The following LDLRAD3 variants were observed in gnomAD, a reference collection of about 807,000 sequenced individuals.
LDLRAD3 encodes the protein low density lipoprotein receptor class A domain containing 3, also known as low-density lipoprotein receptor class A domain-containing protein 3.
Under a neutral mutation model 29.4 loss-of-function variants are expected in LDLRAD3, and 20 were observed. That is an observed-to-expected ratio of 0.68 (90% CI 0.48 to 0.99). LDLRAD3 has a LOEUF of 0.99. LDLRAD3 is among the 50% of genes least tolerant of loss of function. LDLRAD3 has a pLI of 0.00. For synonymous variants in LDLRAD3, 157 were observed against 192.7 expected, an observed-to-expected ratio of 0.81 and a Z score of 1.53; for missense variants, 420 against 454.3, an observed-to-expected ratio of 0.92 and a Z score of 0.69.
At chr11:36,105,360 C>T (rs1437912358) in intron 4 of LDLRAD3, among the ~76,000 whole-genome samples, 1 of 151,902 alleles carries the variant, frequency 6.6e-6, no homozygotes, top group Admixed American at 6.6e-5. Context: ...TGTTACCTCC[C>T]CTGTGCCAGG....
At chr11:35,949,512 C>T (rs540219458) in intron 1 of LDLRAD3, among the ~76,000 whole-genome samples, 46 of 152,314 alleles carry the variant, frequency 3.0e-4, no homozygotes, top group Middle Eastern at 3.4e-3. Flanking sequence ...TTCTCCCTTG[C>T]CATCAAAAGG....
chr11:36,046,068 G>A (rs1252062574), intron 2 of LDLRAD3, among the ~76,000 whole-genome samples: 1 of 152,064 alleles, frequency 6.6e-6, no homozygotes, highest in African/African-American at 2.4e-5. Flanking sequence ...GTGGTGTTTG[G>A]TTTTCTGTTC....
intron 4 of LDLRAD3, among the ~76,000 whole-genome samples, chr11:36,100,447 G>A (rs1470839046): frequency 6.6e-6 from 1 of 152,074 alleles, no homozygotes; most frequent in African/African-American, 2.4e-5. Flanking sequence ...TCTTTTTTTG[G>A]GGGGATGGCA....
At chr11:36,201,821 AG>A (rs1250642416) in intron 4 of LDLRAD3, among the ~76,000 whole-genome samples, 2 of 152,252 alleles carry the variant, frequency 1.3e-5, no homozygotes, top group Non-Finnish European at 2.9e-5. Context: ...GAAAGGAGGC[AG>A]TCGCGGATGT....
chr11:36,179,645 A>T (rs1230804430), intron 4 of LDLRAD3, among the ~76,000 whole-genome samples: 2 of 152,124 alleles, frequency 1.3e-5, no homozygotes, highest in Non-Finnish European at 2.9e-5. Flanking sequence ...CAGCCTCCTC[A>T]TCTGTAAAAT....
intron 2 of LDLRAD3, among the ~76,000 whole-genome samples, chr11:36,050,194 A>G (rs973068608): frequency 6.6e-6 from 1 of 152,198 alleles, no homozygotes; most frequent in African/African-American, 2.4e-5. Context: ...TCCATGATCT[A>G]TGTTTTCCCT....
chr11:36,044,705 G>A (rs1050417460), intron 2 of LDLRAD3, among the ~76,000 whole-genome samples: 1 of 152,198 alleles, frequency 6.6e-6, no homozygotes, highest in Admixed American at 6.5e-5. Context: ...TGCCCAAACT[G>A]GTGCAAAAGG....
chr11:36,204,535 A>T (rs183584516), intron 4 of LDLRAD3, among the ~76,000 whole-genome samples: 104 of 146,694 alleles, frequency 7.1e-4, no homozygotes, highest in Admixed American at 1.5e-3. Flanking sequence ...TGCTCTTGTC[A>T]TCCAGGTTGG....
intron 4 of LDLRAD3, among the ~76,000 whole-genome samples, chr11:36,115,649 C>T (rs961073028): frequency 2.6e-5 from 4 of 152,162 alleles, no homozygotes; most frequent in Non-Finnish European, 5.9e-5. Context: ...CGGTCACATC[C>T]GCAAAAGGAC....
intron 1 of LDLRAD3, among the ~76,000 whole-genome samples, chr11:35,987,901 C>T (rs1046269237): frequency 7.2e-5 from 11 of 152,148 alleles, no homozygotes; most frequent in African/African-American, 2.4e-4. Flanking sequence ...ATAAGCGTTC[C>T]GTTTGCTCCA....
At chr11:36,203,409 G>A (rs140903088) in intron 4 of LDLRAD3, among the ~76,000 whole-genome samples, 248 of 152,262 alleles carry the variant, frequency 1.6e-3, no homozygotes, top group African/African-American at 5.5e-3. Context: ...CCAATAAATC[G>A]TAGAGCCAGG....
chr11:36,083,425 A>G (rs542319409), intron 3 of LDLRAD3, among the ~76,000 whole-genome samples: 14 of 152,302 alleles, frequency 9.2e-5, no homozygotes, highest in Non-Finnish European at 2.1e-4. Flanking sequence ...AAAACTGCCC[A>G]TATCCCGTAA....
chr11:36,055,389 A>T (rs1018280793), intron 2 of LDLRAD3, among the ~76,000 whole-genome samples: 10 of 152,000 alleles, frequency 6.6e-5, no homozygotes, highest in Non-Finnish European at 2.9e-5. Context: ...GATGCCTATT[A>T]TCATCAGTTC....
At chr11:36,036,289 A>G (rs772973394) in intron 2 of LDLRAD3, 40 bp downstream of exon 2, 3 of 1,612,666 alleles carry the variant, frequency 1.9e-6, no homozygotes, top group Non-Finnish European at 2.5e-6. Flanking sequence ...GGTGGCAGCC[A>G]TCCTGGGGCA....
chr11:35,959,564 G>C (rs1315496504), intron 1 of LDLRAD3, among the ~76,000 whole-genome samples: 1 of 152,138 alleles, frequency 6.6e-6, no homozygotes, highest in Non-Finnish European at 1.5e-5. Context: ...AAACAGTAGT[G>C]TACCTATCAT....
At chr11:36,025,699 T>A (rs1252736935) in intron 1 of LDLRAD3, among the ~76,000 whole-genome samples, 1 of 151,462 alleles carries the variant, frequency 6.6e-6, no homozygotes, top group African/African-American at 2.4e-5. Flanking sequence ...CAGATTTTTT[T>A]TTAAGACAAA....
At chr11:36,058,327 G>A (rs958640003) in intron 2 of LDLRAD3, among the ~76,000 whole-genome samples, 5 of 152,156 alleles carry the variant, frequency 3.3e-5, no homozygotes, top group Non-Finnish European at 1.5e-5. Context: ...AAAGAGCCAC[G>A]TCTTCCTTCA....
intron 4 of LDLRAD3, among the ~76,000 whole-genome samples, chr11:36,221,395 G>A (rs1340280044): frequency 3.3e-5 from 5 of 151,958 alleles, no homozygotes; most frequent in African/African-American, 7.3e-5. Flanking sequence ...CAGGCTGGAG[G>A]CATTGGAAGC....
intron 2 of LDLRAD3, among the ~76,000 whole-genome samples, chr11:36,073,752 C>T (rs1852947267): frequency 6.6e-6 from 1 of 152,238 alleles, no homozygotes. Context: ...GAAAAGGGTG[C>T]AAGGGCAGGG....
Sources: allele counts gnomAD v4.1 joint callset (sites outside exome capture counted in the v4.1 genomes callset), GRCh38; gene constraint gnomAD v4.1.1; transcripts MANE v1.5; gene names NCBI Gene and HGNC (gene_info 2026-07-23, HGNC 2026-07-21).